PC: variants seen among roughly 807,000 people sequenced by gnomAD.
PC encodes pyruvate carboxylase, mitochondrial.
A neutral mutation model predicts 107.8 loss-of-function variants in PC; 46 were observed. That is an observed-to-expected ratio of 0.43 (90% CI 0.34 to 0.55). The LOEUF is 0.55. PC is among the 20% of genes least tolerant of loss of function. PC has a pLI of 0.04. For missense variants in PC, 1,241 were observed against 1,643.1 expected (o/e 0.76, Z 4.23); for synonymous variants, 662 against 684.7 (o/e 0.97, Z 0.52).
At position 66,880,930 on chromosome 11, in the gene PC, C is replaced by T. The variant is rs78170459; in HGVS notation, c.1-8771G>A. 7.7e-4 allele frequency among the ~76,000 whole-genome samples: 118 copies of T among 152,322 alleles called. No individual in the cohort carries two copies. In the East Asian group the frequency reaches 0.019, roughly 25 times the overall value. ...GCTTTACTAACAGAACCCACAGAGC[C>T]GTTTCCTGCTCCCTCGAGCTGAGCC... On this transcript the variant is annotated intron_variant, in intron 3 of 22. Transcript: ENST00000393960.
rs2135795563 is a variant in PC, at chr11:66,850,357, C to T, written c.2581G>A (p.Val861Met). The T allele has an allele frequency of 7.4e-6, 12 of 1,614,142 alleles. No homozygotes were observed. The highest frequency in any genetic ancestry group is 1.0e-5 in the Non-Finnish European group (12 of 1,180,024). Residue 861 changes from valine to methionine, a missense_variant, in exon 19 of 23, where the codon GTG becomes ATG. Physicochemically the swap from Val to Met is conservative, Grantham distance 21 (BLOSUM62 1). Transcript: ENST00000393960. ...TATMKSGNSDVYENEIPGGQY... is the reference protein window; with the variant it reads ...TATMKSGNSDMYENEIPGGQY... ...CCCCCTGGGATCTCATTTTCATACA[C>T]GTCCGAGTTGCCAGACTTCATGGTG...
intron 3 of PC, among the ~76,000 whole-genome samples, chr11:66,924,563 A>G (rs990252558): frequency 4.6e-5 from 7 of 151,954 alleles, no homozygotes; most frequent in African/African-American, 1.7e-4. Flanking sequence ...TGATCTTCCC[A>G]CCTCAGCCTC....
chr11:66,856,299 C>T (rs943395709), intron 12 of PC, among the ~76,000 whole-genome samples: 1 of 152,236 alleles, frequency 6.6e-6, no homozygotes, highest in Non-Finnish European at 1.5e-5. Flanking sequence ...GGAAGCCGCG[C>T]CGCGCAGACC....
rs747875763 is a variant in PC, at chr11:66,851,289, G to A, written c.1983-9C>T. On this transcript the variant is annotated splice_polypyrimidine_tract_variant and intron_variant, in intron 16 of 22. Transcript: ENST00000393960. ...TGGCCACTTCACAGAACCTGCAAGG[G>A]TGAGAGAGCCCAGGGCTGAGCCCCA... 10 of 1,599,880 alleles carry A rather than the reference G, an allele frequency of 6.3e-6. No homozygotes were observed. The highest frequency in any genetic ancestry group is 8.5e-6 in the Non-Finnish European group (10 of 1,179,956).
At chr11:66,943,046 G>C (rs2136136681) in intron 3 of PC, among the ~76,000 whole-genome samples, 1 of 151,980 alleles carries the variant, frequency 6.6e-6, no homozygotes, top group Non-Finnish European at 1.5e-5. Context: ...TTAATATCAG[G>C]TGTACATAAT....
intron 3 of PC, among the ~76,000 whole-genome samples, chr11:66,893,783 C>A: frequency 6.7e-6 from 1 of 149,078 alleles, no homozygotes; most frequent in East Asian, 2.0e-4. Flanking sequence ...AACTTAGCCC[C>A]CGCCCCCTAC....
chr11:66,868,544 T>C (rs540042564), intron 10 of PC, among the ~76,000 whole-genome samples: 4 of 152,194 alleles, frequency 2.6e-5, no homozygotes, highest in Non-Finnish European at 5.9e-5. Flanking sequence ...TCCAAATGTC[T>C]CTGAGCCTTG....
intron 3 of PC, among the ~76,000 whole-genome samples, chr11:66,922,284 A>G (rs1165445314): frequency 6.6e-6 from 1 of 152,138 alleles, no homozygotes; most frequent in African/African-American, 2.4e-5. Flanking sequence ...GGAAAAAGCA[A>G]TGAGCCTAGA....
intron 3 of PC, among the ~76,000 whole-genome samples, chr11:66,883,978 C>T (rs1947272788): frequency 6.6e-6 from 1 of 152,194 alleles, no homozygotes; most frequent in Admixed American, 6.5e-5. Context: ...TGGCACGTGG[C>T]TCACACTTGT....
At chr11:66,853,113 G>C (rs1945604264) in intron 13 of PC, 126 bp downstream of exon 13, 2 of 1,079,292 alleles carry the variant, frequency 1.9e-6, no homozygotes, top group African/African-American at 3.1e-5. Context: ...GCCAGAATGA[G>C]GGCAGGGGTG....
At position 66,850,353 on chromosome 11, in the gene PC, T is replaced by C; in HGVS notation, c.2585A>G (p.Tyr862Cys). The stretch of plus-strand genomic sequence containing the variant: ...CTGGCCCCCTGGGATCTCATTTTCA[T>C]ACACGTCCGAGTTGCCAGACTTCAT... ...ATMKSGNSDV[Y>C]ENEIPGGQYT... Residue 862 changes from tyrosine (Y) to cysteine (C), a missense_variant, in exon 19 of 23, where the codon TAT becomes TGT. Coordinates refer to ENST00000393960, the MANE Select transcript of PC (RefSeq NM_001040716.2). 6.2e-7 allele frequency: 1 copy of C among 1,614,120 alleles called. No homozygotes were observed. The highest frequency in any genetic ancestry group is 2.2e-5 in the East Asian group (1 of 44,864).
chr11:66,855,333 T>G (rs1196316260), intron 12 of PC, among the ~76,000 whole-genome samples: 2 of 152,200 alleles, frequency 1.3e-5, no homozygotes, highest in Non-Finnish European at 2.9e-5. Context: ...TGAAAACTTT[T>G]TTTTTGAGAC....
chr11:66,850,313 G>A lies in PC; in HGVS notation c.2625C>T (p.His875=). The change falls in exon 19 of 23, where the codon CAC becomes CAT. Residue 875 remains histidine (H), a synonymous_variant. Transcript: ENST00000393960. ...EIPGGQYTNL[H]FQAHSMGLGS... is the part of the protein sequence containing the mutation. ...CAAGCCCCATGCTGTGGGCCTGGAA[G>A]TGCAGGTTGGTGTACTGGCCCCCTG... The A allele has an allele frequency of 6.2e-7, 1 of 1,614,154 alleles. No individual in the cohort carries two copies. The highest frequency in any genetic ancestry group is 8.5e-7 in the Non-Finnish European group (1 of 1,180,030).
intron 3 of PC, among the ~76,000 whole-genome samples, chr11:66,880,521 C>A (rs955977091): frequency 1.3e-5 from 2 of 152,196 alleles, no homozygotes; most frequent in Admixed American, 6.5e-5. Context: ...TTCCTGAGAC[C>A]CCCAGAAGCC....
At position 66,858,481 on chromosome 11, in the gene PC, G is replaced by C. The variant is rs771448599; in HGVS notation, c.1369-5098C>G. ...TGCAACTGTGAGCTGCTGTGGCTGC[G>C]GCGGCTGGCGCGGCCGGACGACCTG... On this transcript the variant is annotated intron_variant, in intron 12 of 22. Transcript: ENST00000393960. This position sits in a 1 kb window ranked among gnomAD's most constrained non-coding sequence, Gnocchi z 5.9. 3.9e-6 allele frequency: 6 copies of C among 1,542,092 alleles called. No homozygotes were observed. The highest frequency in any genetic ancestry group is 1.2e-5 in the South Asian group (1 of 84,612).
At chr11:66,881,185 C>A (rs1257834940) in intron 3 of PC, among the ~76,000 whole-genome samples, 1 of 152,224 alleles carries the variant, frequency 6.6e-6, no homozygotes, top group Admixed American at 6.5e-5. Context: ...AGATCCTTCA[C>A]CCTGTTTTCC....
chr11:66,852,733 TG>T lies in PC; in HGVS notation c.1603+13del. On this transcript the variant is annotated intron_variant, in intron 14 of 22. Coordinates refer to ENST00000393960, the MANE Select transcript of PC (RefSeq NM_001040716.2). This position sits in a 1 kb window ranked among gnomAD's most constrained non-coding sequence, Gnocchi z 4.7. ...CTGTCTCCCCCATGAGTTGACAGAA[TG>T]GATCTCACCTACCTATGGGCACTGC... 1.2e-6 allele frequency: 2 copies of T among 1,610,304 alleles called. No individual in the cohort carries two copies. Among genetic ancestry groups the T allele is most frequent in the Non-Finnish European group, 1.7e-6 (2 of 1,177,176 alleles).
intron 18 of PC, 70 bp from the exon 19 acceptor site, chr11:66,850,534 G>C (rs2135797498): frequency 6.2e-7 from 1 of 1,610,286 alleles, no homozygotes; most frequent in African/African-American, 1.3e-5. Context: ...GGCTAGCTCA[G>C]GTCCCATGTC....
intron 3 of PC, among the ~76,000 whole-genome samples, chr11:66,894,183 G>A: frequency 6.6e-6 from 1 of 152,152 alleles, no homozygotes; most frequent in African/African-American, 2.4e-5. Flanking sequence ...ACTGTCTGTA[G>A]GTGGGAAACT....
Sources: allele counts gnomAD v4.1 joint callset (sites outside exome capture counted in the v4.1 genomes callset), GRCh38; gene constraint gnomAD v4.1.1; non-coding constraint Gnocchi (gnomAD v3.1); transcripts MANE v1.5; gene names NCBI Gene and HGNC (gene_info 2026-07-23, HGNC 2026-07-21).